Variants in KANK4 observed in about 807,000 individuals in gnomAD.
KANK4 encodes the protein KN motif and ankyrin repeat domains 4.
In KANK4, 50 loss-of-function variants were observed where a neutral mutation model predicts 80.8. That is an observed-to-expected ratio of 0.62 (90% CI 0.49 to 0.78). KANK4 has a LOEUF of 0.78. Among genes scored for constraint, KANK4 ranks in the 30% least tolerant of loss-of-function variants. KANK4 has a pLI of 0.00. For synonymous variants in KANK4, 465 were observed against 506.9 expected (o/e 0.92, Z 1.11); for missense variants, 1,196 against 1,240.1 (o/e 0.96, Z 0.53).
At chr1:62,301,181 G>A (rs1417379407) in intron 1 of KANK4, among the ~76,000 whole-genome samples, 3 of 152,062 alleles carry the variant, frequency 2.0e-5, no homozygotes, top group Non-Finnish European at 2.9e-5. Context: ...CAGACTTACG[G>A]AGCACAAGAG....
At chr1:62,310,467 G>A (rs35534961) in intron 1 of KANK4, among the ~76,000 whole-genome samples, 31,086 of 152,156 alleles carry the variant, frequency 0.2, 3,395 homozygotes, top group South Asian at 0.31. Context: ...GACCAGAAAA[G>A]GGGTTTGGGG....
chr1:62,272,793 CT>C (rs57507456), intron 3 of KANK4: 322 of 142,544 alleles, frequency 2.3e-3, no homozygotes, highest in Middle Eastern at 3.7e-3. Context: ...ATCTTTTTTT[CT>C]TTTTTTTTTT....
intron 8 of KANK4, among the ~76,000 whole-genome samples, chr1:62,250,654 G>GA (rs1671592638): frequency 6.6e-6 from 1 of 152,158 alleles, no homozygotes; most frequent in Non-Finnish European, 1.5e-5. Flanking sequence ...TCTGTACAAA[G>GA]AAGGGGTTGA....
intron 8 of KANK4, among the ~76,000 whole-genome samples, chr1:62,249,472 G>A (rs959606406): frequency 7.9e-5 from 12 of 151,222 alleles, no homozygotes; most frequent in Non-Finnish European, 1.5e-4. Context: ...TCTGCCTCCT[G>A]GGCTCAAGTG....
intron 1 of KANK4, among the ~76,000 whole-genome samples, chr1:62,301,926 G>T (rs1192406879): frequency 6.6e-6 from 1 of 151,896 alleles, no homozygotes; most frequent in Non-Finnish European, 1.5e-5. Flanking sequence ...GGGGTGGGGG[G>T]TGGTGAGAAG....
At position 62,263,273 on chromosome 1, in the gene KANK4, G is replaced by C; in HGVS notation, c.2358C>G (p.Arg786=). The change falls in exon 7 of 10, where the codon CGC becomes CGG. Residue 786 remains arginine (R), a synonymous_variant. Transcript: ENST00000371153. ...GGCTAGACGACTTCCGGCTGGAGAC[G>C]CGGAACCACTCTTGACTGATGGTGT... ...SLNTISQEWF[R]VSSRKSSSPA... 2 of 1,613,338 alleles carry C rather than the reference G, an allele frequency of 1.2e-6. No individual in the cohort carries two copies. The highest frequency in any genetic ancestry group is 8.5e-7 in the Non-Finnish European group (1 of 1,179,822).
chr1:62,250,313 C>T (rs1671582657), intron 8 of KANK4, among the ~76,000 whole-genome samples: 2 of 152,230 alleles, frequency 1.3e-5, no homozygotes, highest in East Asian at 1.9e-4. Flanking sequence ...AGCCAGATGA[C>T]ATATGCAGAT....
intron 1 of KANK4, among the ~76,000 whole-genome samples, chr1:62,314,528 G>A (rs13376143): frequency 0.058 from 8,753 of 151,822 alleles, 852 homozygotes; most frequent in African/African-American, 0.2. Context: ...GAGGGGAATC[G>A]GCACCGAAGG....
intron 2 of KANK4, among the ~76,000 whole-genome samples, chr1:62,279,198 G>GCGCGCACA (rs1282615199): frequency 0.012 from 1,700 of 146,194 alleles, 14 homozygotes; most frequent in South Asian, 0.034. Context: ...GCTAGCGCGC[G>GCGCGCACA]CACACACACA....
chr1:62,311,602 C>T (rs1397133860), intron 1 of KANK4, among the ~76,000 whole-genome samples: 1 of 152,160 alleles, frequency 6.6e-6, no homozygotes, highest in Admixed American at 6.5e-5. Context: ...TTCTAGTTTG[C>T]ACTGGATCAA....
chr1:62,255,217 A>T (rs897434175), intron 7 of KANK4, among the ~76,000 whole-genome samples: 3 of 152,094 alleles, frequency 2.0e-5, no homozygotes, highest in African/African-American at 7.2e-5. Context: ...TAAGTAGTAA[A>T]TGAGAACTTT....
chr1:62,297,573 C>T (rs1243468281), intron 1 of KANK4, among the ~76,000 whole-genome samples: 3 of 152,048 alleles, frequency 2.0e-5, no homozygotes, highest in Non-Finnish European at 4.4e-5. Flanking sequence ...ACAGAAAGAA[C>T]CAGATAGAAG....
Position 62,266,827 on chromosome 1 carries a change from A to C in KANK4, c.2232-8T>G. On this transcript the variant is annotated splice_polypyrimidine_tract_variant and splice_region_variant and intron_variant, in intron 5 of 9. Transcript: ENST00000371153. ...TCTTCTGAGGGTTTATATCTAAATAAAACAAACATATATACACATATTTAT... is the reference window on the plus strand; with the variant it reads ...TCTTCTGAGGGTTTATATCTAAATACAACAAACATATATACACATATTTAT... 1.3e-6 allele frequency: 2 copies of C among 1,517,860 alleles called. No individual in the cohort carries two copies. The highest frequency in any genetic ancestry group is 1.8e-6 in the Non-Finnish European group (2 of 1,093,414). The allele number at this position is 1,517,860 out of a possible 1,614,324, so 94.0% of individuals were successfully genotyped here. A position where few individuals can be genotyped will look rare whatever the true frequency, so the allele number is the denominator to read the frequency against.
chr1:62,274,327 T>A lies in KANK4; in HGVS notation c.777A>T (p.Val259=). ...GTTCATCTTCCTTGTCCTCTAGAAC[T>A]ACAAGCACATTCTGGAATGAGAAAG... ...GPPFSFQNVL[V]VLEDKEDEHN... is the part of the protein sequence containing the mutation. Residue 259 remains valine (V), a synonymous_variant, in exon 3 of 10, where the codon GTA becomes GTT. Transcript: ENST00000371153. The A allele has an allele frequency of 6.2e-7, 1 of 1,614,184 alleles. No homozygotes were observed. Among genetic ancestry groups the A allele is most frequent in the Non-Finnish European group, 8.5e-7 (1 of 1,180,030 alleles).
intron 1 of KANK4, among the ~76,000 whole-genome samples, chr1:62,294,026 C>A (rs1474436143): frequency 1.3e-5 from 2 of 152,192 alleles, no homozygotes; most frequent in African/African-American, 4.8e-5. Context: ...ATGGCTACAA[C>A]GCAGCATCGG....
chr1:62,270,062 C>T (rs1010044935), intron 4 of KANK4, among the ~76,000 whole-genome samples: 1 of 152,138 alleles, frequency 6.6e-6, no homozygotes, highest in Non-Finnish European at 1.5e-5. Flanking sequence ...GGAGAGGAGG[C>T]CTTTAGCAGG....
At chr1:62,282,817 A>T (rs1182499725) in intron 1 of KANK4, among the ~76,000 whole-genome samples, 1 of 152,204 alleles carries the variant, frequency 6.6e-6, no homozygotes, top group Admixed American at 6.5e-5. Flanking sequence ...GTTTTCTAGA[A>T]GCAGAGACAA....
At chr1:62,289,982 T>C (rs1216092661) in intron 1 of KANK4, among the ~76,000 whole-genome samples, 1 of 152,168 alleles carries the variant, frequency 6.6e-6, no homozygotes, top group African/African-American at 2.4e-5. Flanking sequence ...CTAGCAGTAT[T>C]TCCTATAAGT....
rs959242361 is a variant in KANK4, at chr1:62,319,142, G to A, written c.-107C>T. 32 of 152,436 alleles carry A rather than the reference G, an allele frequency of 2.1e-4. No individual in the cohort carries two copies. Among genetic ancestry groups the A allele is most frequent in the African/African-American group, 7.5e-4 (31 of 41,592 alleles). 9.4% of individuals were successfully genotyped at this position (152,436 alleles called of 1,614,324 possible). A position where few individuals can be genotyped will look rare whatever the true frequency, so the allele number is the denominator to read the frequency against. ...GCGGAAGTCCTGCGCGAGGCGGCCCGCGGTGCACGGGGCCGGGGCAGCTAG... is the reference window on the plus strand; with the variant it reads ...GCGGAAGTCCTGCGCGAGGCGGCCCACGGTGCACGGGGCCGGGGCAGCTAG... On this transcript the variant is annotated 5_prime_UTR_variant, in exon 1 of 10. Transcript: ENST00000371153.
Sources: gnomAD v4.1 joint callset for allele counts (sites outside exome capture counted in the v4.1 genomes callset) on GRCh38, gnomAD v4.1.1 for gene constraint, MANE v1.5 for transcripts, NCBI Gene and HGNC (gene_info 2026-07-23, HGNC 2026-07-21) for gene names.